Variants in PIWIL1 observed in about 807,000 individuals in gnomAD.
PIWIL1 encodes the protein piwi-like protein 1.
In PIWIL1, 73 loss-of-function variants were observed where a neutral mutation model predicts 114.4. That is an observed-to-expected ratio of 0.64 (90% CI 0.53 to 0.78). PIWIL1 has a LOEUF of 0.78. PIWIL1 is among the 30% of genes least tolerant of loss of function. The pLI, the probability that PIWIL1 is intolerant of heterozygous loss-of-function variation, is 0.00. For synonymous variants in PIWIL1, 375 were observed against 369.0 expected (o/e 1.02, Z -0.19); for missense variants, 723 against 1,063.1 (o/e 0.68, Z 4.45).
intron 9 of PIWIL1, chr12:130,351,674 A>C (rs1282009045): frequency 6.6e-6 from 1 of 152,156 alleles, no homozygotes; most frequent in African/African-American, 2.4e-5. Context: ...GATGAGTCAC[A>C]CGTCAGATCT....
intron 19 of PIWIL1, among the ~76,000 whole-genome samples, chr12:130,368,637 T>C (rs1489657633): frequency 6.6e-6 from 1 of 152,128 alleles, no homozygotes; most frequent in Admixed American, 6.5e-5. Flanking sequence ...GATGTTAACA[T>C]AGCAAATTCA....
At chr12:130,397,292 G>C in the PIWIL1 span, 1 of 397,994 alleles carries the variant, frequency 2.5e-6, no homozygotes. Context: ...AAGTACTTGA[G>C]TCATGAAAGC....
intron 18 of PIWIL1, chr12:130,366,370 G>A (rs1273388089): frequency 1.3e-5 from 2 of 152,480 alleles, no homozygotes; most frequent in African/African-American, 4.8e-5. Flanking sequence ...CTCTCCGCAG[G>A]GTCAGAGGGA....
At chr12:130,392,347 T>C in the PIWIL1 span, among the ~76,000 whole-genome samples, 1,084 of 112,402 alleles carry the variant, frequency 9.6e-3, 2 homozygotes, top group East Asian at 0.029. Flanking sequence ...GAATATTGAA[T>C]GTTGTGATGA....
At chr12:130,419,336 C>T in the PIWIL1 span, among the ~76,000 whole-genome samples, 1 of 152,138 alleles carries the variant, frequency 6.6e-6, no homozygotes, top group African/African-American at 2.4e-5. This position sits in a 1 kb window ranked among gnomAD's most constrained non-coding sequence, Gnocchi z 4.3. Context: ...GTGTGCATAT[C>T]GTGTGGGAGA....
Position 130,357,526 on chromosome 12 carries a change from G to T in PIWIL1, c.1638G>T (p.Gln546His). The part of the protein sequence containing the change: ...DRTEAYLRVL[Q>H]QKVTADTQIV... ...CTGAAGCCTACTTAAGAGTCTTACA[G>T]CAAAAGGTCACAGCAGACACCCAGA... The change falls in exon 14 of 21, where the codon CAG becomes CAT. Residue 546 changes from glutamine to histidine, a missense_variant. Transcript: ENST00000245255. 6.2e-7 allele frequency: 1 copy of T among 1,613,078 alleles called. No homozygotes were observed. The highest frequency in any genetic ancestry group is 1.1e-5 in the South Asian group (1 of 91,046).
chr12:130,377,532 A>T, downstream of PIWIL1, among the ~76,000 whole-genome samples: 1 of 152,246 alleles, frequency 6.6e-6, no homozygotes, highest in Non-Finnish European at 1.5e-5. Flanking sequence ...CAGGCGAAAA[A>T]GCAACCCGGC....
the PIWIL1 span, among the ~76,000 whole-genome samples, chr12:130,401,054 A>ACTGT: frequency 6.6e-6 from 1 of 152,200 alleles, no homozygotes; most frequent in African/African-American, 2.4e-5. Flanking sequence ...GATGGTGGTG[A>ACTGT]TTGTTTGCAC....
the PIWIL1 span, chr12:130,399,610 C>G: frequency 6.5e-7 from 1 of 1,547,712 alleles, no homozygotes; most frequent in Non-Finnish European, 8.8e-7. Context: ...AATATCAGTG[C>G]AAAGATTGTA....
rs1448300278 is a variant in PIWIL1, at chr12:130,346,436, C to T, written c.383C>T (p.Ala128Val). Reference protein sequence around the residue: ...HFRLTSRPQWALYQYHIDYNP... With the variant: ...HFRLTSRPQWVLYQYHIDYNP... ...CGGCTGACATCCCGTCCCCAGTGGG[C>T]CTTATATCAGTATCACATTGACTAT... is the stretch of plus-strand genomic sequence containing the variant. The change falls in exon 5 of 21, where the codon GCC (alanine) becomes GTC (valine). Residue 128 changes from alanine (A) to valine (V), a missense_variant. Ala to Val is a moderately conservative substitution (Grantham distance 64). Transcript: ENST00000245255. The T allele has an allele frequency of 1.9e-6, 3 of 1,613,970 alleles. No homozygotes were observed. The East Asian group carries it at 6.7e-5, about 36-fold the overall frequency.
At chr12:130,356,306 A>C (rs77178095) in intron 12 of PIWIL1, among the ~76,000 whole-genome samples, 6,624 of 151,588 alleles carry the variant, frequency 0.044, 250 homozygotes, top group South Asian at 0.18. Context: ...TTTTTAAGAA[A>C]ATGTCCTTCC....
chr12:130,422,594 T>G, the PIWIL1 span: 2 of 1,469,066 alleles, frequency 1.4e-6, no homozygotes, highest in Non-Finnish European at 1.9e-6. This position sits in a 1 kb window ranked among gnomAD's most constrained non-coding sequence, Gnocchi z 5.2. Context: ...GTCGTAAGTC[T>G]CGCCAGCATT....
the PIWIL1 span, among the ~76,000 whole-genome samples, chr12:130,416,703 A>G: frequency 1.3e-5 from 2 of 152,210 alleles, no homozygotes; most frequent in Admixed American, 6.5e-5. Flanking sequence ...CAATTGCCAC[A>G]CAAACAAAAA....
chr12:130,383,571 A>T, the PIWIL1 span: 1 of 152,186 alleles, frequency 6.6e-6, no homozygotes, highest in Admixed American at 6.5e-5. Context: ...CGCGGCCCAA[A>T]GAGTATGTGA....
At chr12:130,342,777 C>A in intron 2 of PIWIL1, 108 bp downstream of exon 2, 1 of 857,944 alleles carries the variant, frequency 1.2e-6, no homozygotes, top group South Asian at 1.5e-5. Flanking sequence ...AGGAAGTGAG[C>A]AAGGGAGATC....
the PIWIL1 span, among the ~76,000 whole-genome samples, chr12:130,392,917 G>A: frequency 3.3e-4 from 21 of 64,434 alleles, no homozygotes; most frequent in Admixed American, 1.1e-3. Context: ...CCGTCATCAC[G>A]TGTCTGTCAG....
Position 130,367,241 on chromosome 12 carries a change from G to A in PIWIL1, c.2304G>A (p.Glu768=). The A allele has an allele frequency of 4.3e-6, 7 of 1,613,892 alleles. No homozygotes were observed. Among genetic ancestry groups the A allele is most frequent in the Non-Finnish European group, 5.9e-6 (7 of 1,179,840 alleles). ...TTCCTGGAACAGTTATTGATGTAGAGGTTACCAGACCAGAATGGTAAGTTC... is the reference window on the plus strand; with the variant it reads ...TTCCTGGAACAGTTATTGATGTAGAAGTTACCAGACCAGAATGGTAAGTTC... ...NPLPGTVIDV[E]VTRPEWYDFF... Residue 768 remains glutamate (E), a synonymous_variant, in exon 19 of 21, where the codon GAG becomes GAA. Coordinates refer to ENST00000245255, the MANE Select transcript of PIWIL1 (RefSeq NM_004764.5).
intron 7 of PIWIL1, 138 bp downstream of exon 7, chr12:130,348,321 A>G: frequency 1.7e-6 from 1 of 576,618 alleles, no homozygotes; most frequent in Non-Finnish European, 3.0e-6. Context: ...TTTAACTTGA[A>G]TAATGAGGAG....
chr12:130,421,641 G>A, the PIWIL1 span, among the ~76,000 whole-genome samples: 3 of 151,182 alleles, frequency 2.0e-5, no homozygotes, highest in Admixed American at 6.6e-5. Context: ...AAACCAAGAC[G>A]GTTTCTCCTC....
Sources: allele counts gnomAD v4.1 joint callset (sites outside exome capture counted in the v4.1 genomes callset), GRCh38; gene constraint gnomAD v4.1.1; non-coding constraint Gnocchi (gnomAD v3.1); transcripts MANE v1.5; gene names NCBI Gene and HGNC (gene_info 2026-07-23, HGNC 2026-07-21).